SLC10A4: variants seen among roughly 807,000 people sequenced by gnomAD.
SLC10A4 encodes putative sodium/bile acid cotransporter 4.
SLC10A4 carries 17 observed loss-of-function variants against 22.5 expected under a neutral mutation model. The observed-to-expected ratio is 0.76, with a 90% confidence interval of 0.52 to 1.14. SLC10A4 has a LOEUF of 1.14. SLC10A4 is among the 50% of genes most tolerant of loss of function. The pLI, the probability that SLC10A4 is intolerant of heterozygous loss-of-function variation, is 0.00. For synonymous variants in SLC10A4, 257 were observed against 258.2 expected, an observed-to-expected ratio of 1.00 and a Z score of 0.04; for missense variants, 548 against 584.0, an observed-to-expected ratio of 0.94 and a Z score of 0.64.
Position 48,483,486 on chromosome 4 carries a change from C to T in SLC10A4, c.-76C>T, listed in dbSNP as rs549075433. On this transcript the variant is annotated 5_prime_UTR_variant, in exon 1 of 3. Transcript: ENST00000273861. The surrounding 1 kb of genome is among the most constrained non-coding windows in gnomAD (Gnocchi z 5.4). Reference sequence around the variant, plus strand: ...GGAGACCGACGGGCAGAACGACGGGCGGCGACTGCGGCGACCGCGGGACGG... The same window carrying T: ...GGAGACCGACGGGCAGAACGACGGGTGGCGACTGCGGCGACCGCGGGACGG... 2.4e-6 allele frequency: 3 copies of T among 1,226,520 alleles called. No individual in the cohort carries two copies. Among genetic ancestry groups the T allele is most frequent in the South Asian group, 1.6e-5 (1 of 62,542 alleles). The allele number at this position is 1,226,520 out of a possible 1,614,324, so 76.0% of individuals were successfully genotyped here.
rs1240019884 is a variant in SLC10A4 at position 48,489,404 on chromosome 4, GGTCA to G, written c.*468_*471del. The stretch of plus-strand genomic sequence containing the variant: ...CTGTATTCAGAAGAATTCCAAAACA[GGTCA>G]GTTAAATAAGGAAATATAGTATTTG... On this transcript the variant is annotated 3_prime_UTR_variant, in exon 3 of 3. Coordinates refer to ENST00000273861, the MANE Select transcript of SLC10A4 (RefSeq NM_152679.4). Among the ~76,000 whole-genome samples, 1 of 152,166 alleles carries G rather than the reference GGTCA, an allele frequency of 6.6e-6. No homozygotes were observed. The highest frequency in any genetic ancestry group is 1.5e-5 in the Non-Finnish European group (1 of 68,044).
Position 48,488,806 on chromosome 4 carries a change from A to C in SLC10A4, c.1181A>C (p.Asp394Ala). 6.2e-7 allele frequency: 1 copy of C among 1,614,066 alleles called. No individual in the cohort carries two copies. The highest frequency in any genetic ancestry group is 8.5e-7 in the Non-Finnish European group (1 of 1,180,032). ...GGAAGTGAAATGTTGCACAAGCGAGATCCTCTAGATGAAGATGAAGATACA... is the reference window on the plus strand; with the variant it reads ...GGAAGTGAAATGTTGCACAAGCGAGCTCCTCTAGATGAAGATGAAGATACA... ...MYGSEMLHKR[D>A]PLDEDEDTDI... Residue 394 changes from aspartate (D) to alanine (A), a missense_variant, in exon 3 of 3, where the codon GAT becomes GCT. By Grantham distance (126) the Asp-to-Ala change is moderately radical. This residue lies in a region of SLC10A4 where 314 missense variants were observed against 353.2 expected (regional missense o/e 0.89). Transcript: ENST00000273861.
chr4:48,483,729 C>T lies in SLC10A4; in HGVS notation c.168C>T (p.Phe56=), dbSNP rs1185941807. Residue 56 remains phenylalanine (F), a synonymous_variant, in exon 1 of 3, where the codon TTC becomes TTT. Transcript: ENST00000273861. This position sits in a 1 kb window ranked among gnomAD's most constrained non-coding sequence, Gnocchi z 5.4. ...TCAGCCTCGGGCCGGGTCCGAGCTT[C>T]GGCTTCAGCCCCGGCCCCACTCCGA... ...PGLSLGPGPS[F]GFSPGPTPTP... The T allele has an allele frequency of 2.1e-6, 3 of 1,430,448 alleles. No individual in the cohort carries two copies. The highest frequency in any genetic ancestry group is 2.7e-6 in the Non-Finnish European group (3 of 1,100,820). The allele number at this position is 1,430,448 out of a possible 1,614,324, so 88.6% of individuals were successfully genotyped here. A position where few individuals can be genotyped will look rare whatever the true frequency, so the allele number is the denominator to read the frequency against.
At position 48,485,109 on chromosome 4, in the gene SLC10A4, C is replaced by T; in HGVS notation, c.768C>T (p.Tyr256=). ...IPIGLGVFIR[Y]KYSRVADYIV... ...TCGGGTTGGGCGTCTTCATTCGCTA[C>T]AAATACAGCCGGGTGGCTGACTACA... is the stretch of plus-strand genomic sequence containing the variant. Residue 256 remains tyrosine, a synonymous_variant, in exon 2 of 3, where the codon TAC becomes TAT. Coordinates refer to ENST00000273861, the MANE Select transcript of SLC10A4 (RefSeq NM_152679.4). 1 of 1,614,128 alleles carries T rather than the reference C, an allele frequency of 6.2e-7. No individual in the cohort carries two copies. Among genetic ancestry groups the T allele is most frequent in the African/African-American group, 1.3e-5 (1 of 75,010 alleles).
rs969671880 is a variant in SLC10A4, at chr4:48,489,173, G to T, written c.*234G>T. 3.7e-5 allele frequency: 15 copies of T among 403,374 alleles called. No homozygotes were observed. The highest frequency in any genetic ancestry group is 2.7e-4 in the African/African-American group (13 of 48,568). The allele number at this position is 403,374 out of a possible 1,614,324, so 25.0% of individuals were successfully genotyped here. On this transcript the variant is annotated 3_prime_UTR_variant, in exon 3 of 3. Transcript: ENST00000273861. Reference sequence around the variant, plus strand: ...TAACGTGAAGCCTGAATTAAATGTGGTTTTTAGTTTTTACCATCACCAATT... The same window carrying T: ...TAACGTGAAGCCTGAATTAAATGTGTTTTTTAGTTTTTACCATCACCAATT...
chr4:48,486,463 G>C (rs986942856), intron 2 of SLC10A4, among the ~76,000 whole-genome samples: 3 of 150,024 alleles, frequency 2.0e-5, no homozygotes, highest in Non-Finnish European at 4.4e-5. Context: ...TCAATCAAAT[G>C]ACCTATTTAC....
chr4:48,488,971 T>C lies in SLC10A4; in HGVS notation c.*32T>C, dbSNP rs1286815977. On this transcript the variant is annotated 3_prime_UTR_variant, in exon 3 of 3. Transcript: ENST00000273861. ...AGATACACAGGAGCTTCTATCTTGC[T>C]GAAATATTGCTTCATATTTATAGCC... 1.9e-6 allele frequency: 3 copies of C among 1,542,038 alleles called. No individual in the cohort carries two copies. In the South Asian group the frequency reaches 3.9e-5, roughly 20 times the overall value.
chr4:48,484,013 C>A lies in SLC10A4; in HGVS notation c.452C>A (p.Pro151Gln). The A allele has an allele frequency of 3.1e-6, 5 of 1,588,466 alleles. No individual in the cohort carries two copies. Among genetic ancestry groups the A allele is most frequent in the Non-Finnish European group, 4.3e-6 (5 of 1,171,390 alleles). The change falls in exon 1 of 3, where the codon CCG becomes CAG. Residue 151 changes from proline (P) to glutamine (Q), a missense_variant. By Grantham distance (76) the Pro-to-Gln change is moderately conservative (BLOSUM62 -1). Coordinates refer to ENST00000273861, the MANE Select transcript of SLC10A4 (RefSeq NM_152679.4). The stretch of plus-strand genomic sequence containing the variant: ...GCGCTCTGCCAGTTCGGCCTCCTGC[C>A]GCTGCTGGCCTTCCTGCTGGCCCTC... ...LAALCQFGLL[P>Q]LLAFLLALAF...
rs1380225342 is a variant in SLC10A4 at position 48,483,755 on chromosome 4, C to T, written c.194C>T (p.Thr65Ile). 3 of 1,476,572 alleles carry T rather than the reference C, an allele frequency of 2.0e-6. No homozygotes were observed. Among genetic ancestry groups the T allele is most frequent in the East Asian group, 2.8e-5 (1 of 36,136 alleles). 91.5% of individuals were successfully genotyped at this position (1,476,572 alleles called of 1,614,324 possible). The change falls in exon 1 of 3, where the codon ACC (threonine) becomes ATC (isoleucine). Residue 65 changes from threonine to isoleucine, a missense_variant. Thr to Ile is a moderately conservative substitution (Grantham distance 89, BLOSUM62 -1). This residue lies in a region of SLC10A4 where 225 missense variants were observed against 206.9 expected (regional missense o/e 1.09). Transcript: ENST00000273861. The surrounding 1 kb of genome is among the most constrained non-coding windows in gnomAD (Gnocchi z 5.4). Reference sequence around the variant, plus strand: ...GGCTTCAGCCCCGGCCCCACTCCGACCCCGGAGCCCACGACCAGCGGCCTC... The same window carrying T: ...GGCTTCAGCCCCGGCCCCACTCCGATCCCGGAGCCCACGACCAGCGGCCTC... ...SFGFSPGPTP[T>I]PEPTTSGLAG... is the part of the protein sequence containing the mutation.
chr4:48,484,860 A>T, intron 1 of SLC10A4, 72 bp from the exon 2 acceptor site: 1 of 1,446,212 alleles, frequency 6.9e-7, no homozygotes, highest in Admixed American at 1.8e-5. Flanking sequence ...TCTACTCAAC[A>T]TACAAGAAAA....
In SLC10A4 at chr4:48,483,607, CG is replaced by C. The variant is rs950594151; in HGVS notation, c.49del (p.Asp17ThrfsTer85). ...GACCCTGCTCTTCGCCCCTCTGCTG[CG>C]GGACAACTACACCCTGGCGCCCAAT... Reference protein sequence around the residue: ...NVTLLFAPLLRDNYTLAPNAS... With the variant: ...NVTLLFAPLLXDNYTLAPNAS... On this transcript the variant is annotated frameshift_variant, in exon 1 of 3. Coordinates refer to ENST00000273861, the MANE Select transcript of SLC10A4 (RefSeq NM_152679.4). LOFTEE classifies it high-confidence loss of function. The surrounding 1 kb of genome is among the most constrained non-coding windows in gnomAD (Gnocchi z 5.4). 14 of 1,502,822 alleles carry C rather than the reference CG, an allele frequency of 9.3e-6. No individual in the cohort carries two copies. Among genetic ancestry groups the C allele is most frequent in the Non-Finnish European group, 1.2e-5 (14 of 1,129,730 alleles). The allele number at this position is 1,502,822 out of a possible 1,614,324, so 93.1% of individuals were successfully genotyped here. A position where few individuals can be genotyped will look rare whatever the true frequency, so the allele number is the denominator to read the frequency against.
Position 48,483,526 on chromosome 4 carries a change from C to A in SLC10A4, c.-36C>A. The A allele has an allele frequency of 1.4e-6, 2 of 1,464,376 alleles. No individual in the cohort carries two copies. Among genetic ancestry groups the A allele is most frequent in the East Asian group, 3.0e-5 (1 of 32,864 alleles). The allele number at this position is 1,464,376 out of a possible 1,614,324, so 90.7% of individuals were successfully genotyped here. On this transcript the variant is annotated 5_prime_UTR_variant, in exon 1 of 3. Transcript: ENST00000273861. The surrounding 1 kb of genome is among the most constrained non-coding windows in gnomAD (Gnocchi z 5.4). ...CCGCGGGACGGCGAGAGGCACGCGG[C>A]GGGAGGGGACCGGAATCCGCAGCTC... is the stretch of plus-strand genomic sequence containing the variant.
Position 48,483,794 on chromosome 4 carries a change from C to G in SLC10A4, c.233C>G (p.Ala78Gly). The G allele has an allele frequency of 1.3e-6, 2 of 1,504,532 alleles. No homozygotes were observed. Among genetic ancestry groups the G allele is most frequent in the African/African-American group, 2.9e-5 (2 of 69,220 alleles). 93.2% of individuals were successfully genotyped at this position (1,504,532 alleles called of 1,614,324 possible). Reference sequence around the variant, plus strand: ...ACCAGCGGCCTCGCGGGCGGCGCGGCGAGCCACGGCCCTTCCCCGTTCCCT... The same window carrying G: ...ACCAGCGGCCTCGCGGGCGGCGCGGGGAGCCACGGCCCTTCCCCGTTCCCT... ...PTTSGLAGGA[A>G]SHGPSPFPRP... Residue 78 changes from alanine to glycine, a missense_variant, in exon 1 of 3, where the codon GCG becomes GGG. Around this residue, in one of 3 missense-constraint regions of SLC10A4, gnomAD observed 225 missense variants for 206.9 expected, o/e 1.09. Transcript: ENST00000273861. This position sits in a 1 kb window ranked among gnomAD's most constrained non-coding sequence, Gnocchi z 5.4.
chr4:48,487,649 C>T (rs1026836273), intron 2 of SLC10A4, among the ~76,000 whole-genome samples: 1 of 152,060 alleles, frequency 6.6e-6, no homozygotes, highest in Non-Finnish European at 1.5e-5. Flanking sequence ...GATACCAAAA[C>T]AAAGTTATGT....
In SLC10A4 at chr4:48,483,542, T is replaced by G; in HGVS notation, c.-20T>G. 3 of 1,485,680 alleles carry G rather than the reference T, an allele frequency of 2.0e-6. No homozygotes were observed. The South Asian group carries it at 3.8e-5, about 19-fold the overall frequency. 92.0% of individuals were successfully genotyped at this position (1,485,680 alleles called of 1,614,324 possible). A position where few individuals can be genotyped will look rare whatever the true frequency, so the allele number is the denominator to read the frequency against. ...GGCACGCGGCGGGAGGGGACCGGAATCCGCAGCTCCGGCCGCGCCATGGAC... is the reference window on the plus strand; with the variant it reads ...GGCACGCGGCGGGAGGGGACCGGAAGCCGCAGCTCCGGCCGCGCCATGGAC... On this transcript the variant is annotated 5_prime_UTR_variant, in exon 1 of 3. Coordinates refer to ENST00000273861, the MANE Select transcript of SLC10A4 (RefSeq NM_152679.4). This position sits in a 1 kb window ranked among gnomAD's most constrained non-coding sequence, Gnocchi z 5.4.
rs1446826614 is a variant in SLC10A4 at position 48,483,892 on chromosome 4, G to T, written c.331G>T (p.Ala111Ser). The part of the protein sequence containing the change: ...LNHGLNVFVG[A>S]ALCITMLGLG... ...CCACGGGCTGAACGTGTTCGTGGGC[G>T]CCGCCCTGTGCATCACCATGCTGGG... Residue 111 changes from alanine to serine, a missense_variant, in exon 1 of 3, where the codon GCC becomes TCC. Ala to Ser is a moderately conservative substitution (Grantham distance 99). Transcript: ENST00000273861. This position sits in a 1 kb window ranked among gnomAD's most constrained non-coding sequence, Gnocchi z 5.4. 1.3e-6 allele frequency: 2 copies of T among 1,544,146 alleles called. No homozygotes were observed. The highest frequency in any genetic ancestry group is 2.0e-5 in the Admixed American group (1 of 51,026).
chr4:48,484,356 G>A (rs1361408945), intron 1 of SLC10A4, among the ~76,000 whole-genome samples: 1 of 152,180 alleles, frequency 6.6e-6, no homozygotes, highest in Non-Finnish European at 1.5e-5. Flanking sequence ...CAAGCTAGAC[G>A]GCGAGGGAGC....
At position 48,483,929 on chromosome 4, in the gene SLC10A4, C is replaced by A. The variant is rs1346556547; in HGVS notation, c.368C>A (p.Thr123Lys). The change falls in exon 1 of 3, where the codon ACG becomes AAG. Residue 123 changes from threonine to lysine, a missense_variant. Physicochemically the swap from Thr to Lys is moderately conservative, Grantham distance 78. Around this residue, in one of 3 missense-constraint regions of SLC10A4, gnomAD observed 225 missense variants for 206.9 expected, o/e 1.09. Transcript: ENST00000273861. The surrounding 1 kb of genome is among the most constrained non-coding windows in gnomAD (Gnocchi z 5.4). The stretch of plus-strand genomic sequence containing the variant: ...ATCACCATGCTGGGCCTGGGCTGCA[C>A]GGTGGACGTGAACCACTTCGGGGCG... ...LCITMLGLGCTVDVNHFGAHV... is the reference protein window; with the variant it reads ...LCITMLGLGCKVDVNHFGAHV... 6.5e-7 allele frequency: 1 copy of A among 1,543,528 alleles called. No homozygotes were observed.
intron 1 of SLC10A4, among the ~76,000 whole-genome samples, chr4:48,484,694 C>G (rs955084326): frequency 6.6e-6 from 1 of 152,080 alleles, no homozygotes; most frequent in African/African-American, 2.4e-5. Context: ...TTTATAATGT[C>G]GAGGGCAGCA....
Sources: gnomAD v4.1 joint callset for allele counts (sites outside exome capture counted in the v4.1 genomes callset) on GRCh38, gnomAD v4.1.1 for gene constraint, gnomAD v4.1.1 regional missense constraint, Gnocchi (gnomAD v3.1) non-coding constraint, MANE v1.5 for transcripts, NCBI Gene and HGNC (gene_info 2026-07-23, HGNC 2026-07-21) for gene names.